The following ERC2 variants were observed in gnomAD, a reference collection of about 807,000 sequenced individuals.
ERC2 encodes the protein ERC protein 2.
Under a neutral mutation model 114.8 loss-of-function variants are expected in ERC2, and 42 were observed. That is an observed-to-expected ratio of 0.37 (90% confidence interval 0.29 to 0.47). The LOEUF (loss-of-function observed/expected upper bound fraction) is 0.47, where lower values mean the gene tolerates loss of function less well. ERC2 is among the 20% of genes least tolerant of loss of function. The probability of loss-of-function intolerance (pLI) is 0.99; values close to 1 mark genes in which losing one functional copy is unlikely to be tolerated. For missense variants in ERC2, 939 were observed against 1,150.7 expected, an observed-to-expected ratio of 0.82 and a Z score of 2.66; for synonymous variants, 454 against 425.5, an observed-to-expected ratio of 1.07 and a Z score of -0.82.
intron 6 of ERC2, among the ~76,000 whole-genome samples, chr3:56,123,631 T>C (rs7634259): frequency 0.031 from 4,726 of 152,232 alleles, 160 homozygotes; most frequent in African/African-American, 0.079. Flanking sequence ...ATGTCTGCAA[T>C]GGCCTCGCAG....
chr3:56,355,607 A>G (rs935812157), intron 2 of ERC2, among the ~76,000 whole-genome samples: 2 of 152,090 alleles, frequency 1.3e-5, no homozygotes, highest in African/African-American at 4.8e-5. Context: ...CACGACACCC[A>G]GCCTATTTCA....
At position 56,361,516 on chromosome 3, in the gene ERC2, C is replaced by T. The variant is rs190733116; in HGVS notation, c.658-65081G>A. Reference sequence around the variant, plus strand: ...GCACAAGACCTCCAGCAGAGATCAACAGAACCCAAAATATAAATGGTCAAG... The same window carrying T: ...GCACAAGACCTCCAGCAGAGATCAATAGAACCCAAAATATAAATGGTCAAG... On this transcript the variant is annotated intron_variant, in intron 2 of 17. Coordinates refer to ENST00000288221, the MANE Select transcript of ERC2 (RefSeq NM_015576.3). Among the ~76,000 whole-genome samples, 14 of 152,282 alleles carry T rather than the reference C, an allele frequency of 9.2e-5. No individual in the cohort carries two copies. The East Asian group carries it at 1.9e-3, about 21-fold the overall frequency.
chr3:56,190,604 T>G (rs2150068155), intron 3 of ERC2, among the ~76,000 whole-genome samples: 1 of 151,928 alleles, frequency 6.6e-6, no homozygotes, highest in South Asian at 2.1e-4. Flanking sequence ...CCCTGCTAAC[T>G]TTTTAAAATT....
At chr3:56,240,507 C>T (rs1397098505) in intron 3 of ERC2, among the ~76,000 whole-genome samples, 4 of 151,916 alleles carry the variant, frequency 2.6e-5, no homozygotes, top group African/African-American at 9.7e-5. Flanking sequence ...AAGTAAATGA[C>T]CCTGTTTAAA....
chr3:56,245,488 G>A (rs940936438), intron 3 of ERC2, among the ~76,000 whole-genome samples: 4 of 140,486 alleles, frequency 2.8e-5, no homozygotes, highest in African/African-American at 8.1e-5. Flanking sequence ...CCAGACGTAT[G>A]TATGTGTGTG....
At chr3:56,441,817 G>C (rs1266401878) in intron 1 of ERC2, among the ~76,000 whole-genome samples, 2 of 152,140 alleles carry the variant, frequency 1.3e-5, no homozygotes, top group African/African-American at 4.8e-5. Flanking sequence ...AAAGTTCTGG[G>C]ATTACCGGCG....
chr3:56,427,868 T>G (rs1460481130), intron 2 of ERC2, among the ~76,000 whole-genome samples: 1 of 152,180 alleles, frequency 6.6e-6, no homozygotes, highest in Admixed American at 6.5e-5. Flanking sequence ...ACATATCTTT[T>G]TGTGGGGGAT....
At chr3:55,866,775 G>T (rs2062337749) in intron 14 of ERC2, among the ~76,000 whole-genome samples, 1 of 152,060 alleles carries the variant, frequency 6.6e-6, no homozygotes, top group Non-Finnish European at 1.5e-5. Context: ...TTTCTCTTGA[G>T]TATTTTAGAG....
intron 1 of ERC2, among the ~76,000 whole-genome samples, chr3:56,456,880 C>T (rs1307454382): frequency 6.6e-6 from 1 of 152,166 alleles, no homozygotes; most frequent in African/African-American, 2.4e-5. Context: ...GGTTCATAAG[C>T]TACAGCACAG....
At chr3:56,121,813 C>T (rs1157621595) in intron 6 of ERC2, among the ~76,000 whole-genome samples, 2 of 152,028 alleles carry the variant, frequency 1.3e-5, no homozygotes, top group Non-Finnish European at 2.9e-5. Flanking sequence ...CAAGTTTTTT[C>T]TCAAGGAAAC....
chr3:56,441,682 G>A (rs1298984492), intron 1 of ERC2, among the ~76,000 whole-genome samples: 1 of 152,134 alleles, frequency 6.6e-6, no homozygotes, highest in Non-Finnish European at 1.5e-5. Flanking sequence ...TCGGCTCACT[G>A]CAACCTCCGC....
At chr3:56,380,134 G>A (rs746075375) in intron 2 of ERC2, among the ~76,000 whole-genome samples, 26 of 151,942 alleles carry the variant, frequency 1.7e-4, no homozygotes, top group Non-Finnish European at 3.5e-4. Flanking sequence ...AAGCAAAATT[G>A]CCCCCTGTTG....
intron 12 of ERC2, among the ~76,000 whole-genome samples, chr3:55,969,430 C>T (rs1205359685): frequency 2.0e-5 from 3 of 151,200 alleles, no homozygotes; most frequent in Non-Finnish European, 2.9e-5. Flanking sequence ...CACACACACA[C>T]ACACACCCTT....
intron 14 of ERC2, among the ~76,000 whole-genome samples, chr3:55,871,863 T>C (rs2062597569): frequency 6.6e-6 from 1 of 152,162 alleles, no homozygotes. Flanking sequence ...TGCCAGAGGG[T>C]TTCAACTCTA....
chr3:55,610,246 G>A (rs911323286), intron 17 of ERC2, among the ~76,000 whole-genome samples: 1 of 151,854 alleles, frequency 6.6e-6, no homozygotes, highest in East Asian at 1.9e-4. Flanking sequence ...AAAAATGTCC[G>A]TGGACATTGA....
At chr3:55,533,846 C>T (rs933156865) in intron 17 of ERC2, among the ~76,000 whole-genome samples, 1 of 152,204 alleles carries the variant, frequency 6.6e-6, no homozygotes, top group African/African-American at 2.4e-5. Context: ...TATAACATTT[C>T]CTTCGAATTC....
intron 6 of ERC2, among the ~76,000 whole-genome samples, chr3:56,116,864 T>C (rs1185403941): frequency 6.6e-6 from 1 of 152,206 alleles, no homozygotes; most frequent in Non-Finnish European, 1.5e-5. Context: ...CATGTTTATT[T>C]CTATTATAAA....
intron 14 of ERC2, among the ~76,000 whole-genome samples, chr3:55,856,724 C>T (rs1367460210): frequency 6.6e-6 from 1 of 152,072 alleles, no homozygotes; most frequent in Non-Finnish European, 1.5e-5. Context: ...CATGAATGTT[C>T]ATAGTAGTAT....
At chr3:56,280,092 C>T (rs529620087) in intron 3 of ERC2, among the ~76,000 whole-genome samples, 3 of 152,164 alleles carry the variant, frequency 2.0e-5, no homozygotes, top group Admixed American at 6.5e-5. Context: ...GTCAAAGTCA[C>T]GGGGCAGGAA....
Sources: gnomAD v4.1 joint callset for allele counts (sites outside exome capture counted in the v4.1 genomes callset) on GRCh38, gnomAD v4.1.1 for gene constraint, MANE v1.5 for transcripts, NCBI Gene and HGNC (gene_info 2026-07-23, HGNC 2026-07-21) for gene names.